Variants in SND1 observed in about 807,000 individuals in gnomAD.
The protein encoded by SND1 is staphylococcal nuclease and tudor domain containing 1.
Under a neutral mutation model 121.7 loss-of-function variants are expected in SND1, and 38 were observed. The ratio of observed to expected loss-of-function variants is 0.31; its 90% CI spans 0.24 to 0.41. The LOEUF (loss-of-function observed/expected upper bound fraction) is 0.41. SND1 is among the 10% of genes least tolerant of loss of function. The probability of loss-of-function intolerance (pLI) is 1.00; values close to 1 mark genes in which losing one functional copy is unlikely to be tolerated. For synonymous variants in SND1, 401 were observed against 447.4 expected, an observed-to-expected ratio of 0.90 and a Z score of 1.31; for missense variants, 868 against 1,184.6, an observed-to-expected ratio of 0.73 and a Z score of 3.92.
At chr7:128,014,262 C>T (rs1481964163) in intron 16 of SND1, among the ~76,000 whole-genome samples, 2 of 152,172 alleles carry the variant, frequency 1.3e-5, no homozygotes, top group Non-Finnish European at 1.5e-5. Context: ...AGTCTTCTTG[C>T]CTCCCTTTTG....
chr7:127,828,967 G>A (rs1321120882), intron 11 of SND1, among the ~76,000 whole-genome samples: 1 of 152,144 alleles, frequency 6.6e-6, no homozygotes, highest in Non-Finnish European at 1.5e-5. Context: ...TAGAGGTAGG[G>A]GCGGAAGAGG....
chr7:127,919,872 C>T (rs76139522), intron 14 of SND1, among the ~76,000 whole-genome samples: 3,390 of 152,094 alleles, frequency 0.022, 61 homozygotes, highest in Non-Finnish European at 0.037. Flanking sequence ...TGGATGTTTA[C>T]GATTTGAGTA....
intron 15 of SND1, among the ~76,000 whole-genome samples, chr7:127,987,442 A>G (rs1449076296): frequency 6.6e-6 from 1 of 152,362 alleles, no homozygotes; most frequent in Admixed American, 6.5e-5. Flanking sequence ...GCTCGCTGCC[A>G]GCATGTGGCT....
In SND1 at chr7:128,089,844, G is replaced by A. The variant is rs1793748197; in HGVS notation, c.2622+152G>A. The A allele has an allele frequency of 2.3e-5, 17 of 734,564 alleles. 1 individual carries two copies. The highest frequency in any genetic ancestry group is 3.8e-5 in the South Asian group (2 of 52,474). 45.5% of individuals were successfully genotyped at this position (734,564 alleles called of 1,614,324 possible). On this transcript the variant is annotated intron_variant, in intron 22 of 23. Coordinates refer to ENST00000354725, the MANE Select transcript of SND1 (RefSeq NM_014390.4). ...GATTTGGGTTTGTTGGTGTTTTTTT[G>A]TTTTTGTTTTAAAGCTAATTACATC...
chr7:127,694,977 C>T, intron 3 of SND1, 29 bp downstream of exon 3: 2 of 1,602,750 alleles, frequency 1.2e-6, no homozygotes, highest in African/African-American at 1.3e-5. Flanking sequence ...ACTCATTTCT[C>T]TCAAGTCTAA....
At chr7:127,831,301 A>C (rs1452451381) in intron 11 of SND1, among the ~76,000 whole-genome samples, 2 of 152,216 alleles carry the variant, frequency 1.3e-5, no homozygotes, top group Non-Finnish European at 2.9e-5. Flanking sequence ...CAGTAGGCAA[A>C]GCATTATTTT....
At chr7:128,047,879 C>T (rs1792976862) in intron 16 of SND1, among the ~76,000 whole-genome samples, 1 of 151,496 alleles carries the variant, frequency 6.6e-6, no homozygotes, top group Non-Finnish European at 1.5e-5. Context: ...CGAAATTTCG[C>T]TCTTATTGCC....
chr7:127,979,511 C>T (rs531188973), intron 15 of SND1, among the ~76,000 whole-genome samples: 54 of 152,146 alleles, frequency 3.5e-4, no homozygotes, highest in Non-Finnish European at 5.1e-4. Context: ...GCAGGAAGGG[C>T]AGTTACAGAA....
chr7:127,863,922 G>A (rs76240249), intron 12 of SND1, among the ~76,000 whole-genome samples: 3,414 of 152,212 alleles, frequency 0.022, 53 homozygotes, highest in Non-Finnish European at 0.036. Context: ...AGGTTATGTT[G>A]TGGAGATAGG....
At chr7:127,994,552 A>G (rs1198541792) in intron 16 of SND1, among the ~76,000 whole-genome samples, 2 of 25,944 alleles carry the variant, frequency 7.7e-5, no homozygotes, top group East Asian at 7.8e-4. Context: ...TTTTACTCAA[A>G]AAAAAAAAAA....
chr7:127,940,469 G>A (rs923484250), intron 15 of SND1, among the ~76,000 whole-genome samples: 1 of 152,152 alleles, frequency 6.6e-6, no homozygotes, highest in African/African-American at 2.4e-5. Flanking sequence ...AGGAGAGGGA[G>A]TGTAAATGGT....
At chr7:127,690,721 C>T (rs2116316065) in intron 2 of SND1, among the ~76,000 whole-genome samples, 2 of 152,294 alleles carry the variant, frequency 1.3e-5, no homozygotes, top group East Asian at 3.9e-4. Flanking sequence ...CTGAGCGTCT[C>T]CATTTTAGGG....
chr7:127,789,040 G>C (rs1797864002), intron 10 of SND1, among the ~76,000 whole-genome samples: 1 of 152,216 alleles, frequency 6.6e-6, no homozygotes, highest in Admixed American at 6.5e-5. Flanking sequence ...AGCATCTCCA[G>C]TGATTGGCAT....
intron 14 of SND1, among the ~76,000 whole-genome samples, chr7:127,921,012 T>C (rs1278805699): frequency 1.3e-5 from 2 of 152,184 alleles, no homozygotes; most frequent in Admixed American, 6.5e-5. Context: ...ATGGTTAAAT[T>C]TGGGAAACTG....
intron 10 of SND1, among the ~76,000 whole-genome samples, chr7:127,797,973 G>A (rs190946919): frequency 1.3e-5 from 2 of 152,222 alleles, no homozygotes; most frequent in East Asian, 3.9e-4. Flanking sequence ...CTGCGTCTGA[G>A]CAATAAATAG....
intron 11 of SND1, among the ~76,000 whole-genome samples, chr7:127,838,580 G>T (rs1191869012): frequency 6.6e-6 from 1 of 152,068 alleles, no homozygotes; most frequent in African/African-American, 2.4e-5. Context: ...TCCAATAACT[G>T]GTAGCTGCAA....
chr7:127,681,280 G>C (rs1476094765), intron 1 of SND1, among the ~76,000 whole-genome samples: 2 of 151,956 alleles, frequency 1.3e-5, no homozygotes, highest in South Asian at 2.1e-4. Flanking sequence ...TGTGCTTTTT[G>C]GACATTTATA....
intron 16 of SND1, among the ~76,000 whole-genome samples, chr7:128,025,613 T>C (rs1584744531): frequency 6.6e-6 from 1 of 152,174 alleles, no homozygotes; most frequent in East Asian, 1.9e-4. Flanking sequence ...GGCTGCATTT[T>C]TGGTACTCAC....
At chr7:128,089,862 A>T in intron 22 of SND1, 170 bp downstream of exon 22, 1 of 642,456 alleles carries the variant, frequency 1.6e-6, no homozygotes, top group Admixed American at 2.9e-5. Context: ...TTTAAAGCTA[A>T]TTACATCCCA....
Sources: gnomAD v4.1 joint callset for allele counts (sites outside exome capture counted in the v4.1 genomes callset) on GRCh38, gnomAD v4.1.1 for gene constraint, MANE v1.5 for transcripts, NCBI Gene and HGNC (gene_info 2026-07-23, HGNC 2026-07-21) for gene names.